The following PDK1 variants were observed in gnomAD, a reference collection of about 807,000 sequenced individuals.
PDK1 encodes pyruvate dehydrogenase kinase 1.
Under a neutral mutation model 54.2 loss-of-function variants are expected in PDK1, and 39 were observed. The observed-to-expected ratio is 0.72, with a 90% CI of 0.56 to 0.94. The LOEUF is 0.94. Ranked by LOEUF, PDK1 falls within the 40% of genes least tolerant of loss-of-function variation. PDK1 has a pLI of 0.00. For synonymous variants in PDK1, 221 were observed against 207.1 expected, an observed-to-expected ratio of 1.07 and a Z score of -0.58; for missense variants, 552 against 566.0, an observed-to-expected ratio of 0.98 and a Z score of 0.25.
In PDK1 at chr2:172,605,724, G is replaced by A. The variant is rs1374401570; in HGVS notation, c.*9755G>A. The stretch of plus-strand genomic sequence containing the variant: ...TGAGCTCATGAAAGCTGTGCTGAGT[G>A]GGTTTCTTTAGATTTTCATTTTCAT... On this transcript the variant is annotated 3_prime_UTR_variant, in exon 11 of 11. Coordinates refer to ENST00000282077, the MANE Select transcript of PDK1 (RefSeq NM_002610.5). The A allele has an allele frequency of 6.6e-6, 1 of 152,086 alleles. No individual in the cohort carries two copies. Among genetic ancestry groups the A allele is most frequent in the East Asian group, 1.9e-4 (1 of 5,194 alleles). The allele number at this position is 152,086 out of a possible 1,614,324, so 9.4% of individuals were successfully genotyped here. A position where few individuals can be genotyped will look rare whatever the true frequency, so the allele number is the denominator to read the frequency against.
At chr2:172,566,433 C>T (rs529814022) in intron 5 of PDK1, among the ~76,000 whole-genome samples, 45 of 152,028 alleles carry the variant, frequency 3.0e-4, no homozygotes, top group South Asian at 2.3e-3. Context: ...CCCATGCCTA[C>T]GTAGTCCCAG....
chr2:172,615,128 G>A, the PDK1 span, among the ~76,000 whole-genome samples: 1 of 152,218 alleles, frequency 6.6e-6, no homozygotes, highest in South Asian at 2.1e-4. Context: ...GCCGCAAGGG[G>A]TTGAGCACAG....
the PDK1 span, among the ~76,000 whole-genome samples, chr2:172,651,607 T>TAG: frequency 6.6e-6 from 1 of 152,046 alleles, no homozygotes; most frequent in African/African-American, 2.4e-5. Flanking sequence ...AAGAATCAAA[T>TAG]AGACGCAATA....
At chr2:172,565,624 G>T (rs757708622) in intron 5 of PDK1, among the ~76,000 whole-genome samples, 3 of 152,082 alleles carry the variant, frequency 2.0e-5, no homozygotes, top group Non-Finnish European at 4.4e-5. Context: ...ACTTAAAAAA[G>T]AATTGAAGTC....
At chr2:172,575,539 G>C (rs1689531488) in intron 8 of PDK1, among the ~76,000 whole-genome samples, 1 of 152,110 alleles carries the variant, frequency 6.6e-6, no homozygotes, top group Non-Finnish European at 1.5e-5. Flanking sequence ...ATAAATAATA[G>C]GCCAGGCACG....
At chr2:172,709,488 G>T in the PDK1 span, among the ~76,000 whole-genome samples, 1 of 152,172 alleles carries the variant, frequency 6.6e-6, no homozygotes, top group Non-Finnish European at 1.5e-5. Flanking sequence ...AAATAAGTTT[G>T]CTGTCAGTCT....
the PDK1 span, among the ~76,000 whole-genome samples, chr2:172,722,348 C>T: frequency 6.6e-6 from 1 of 152,232 alleles, no homozygotes; most frequent in African/African-American, 2.4e-5. Context: ...TAATCTTATC[C>T]TTTCCTTCCC....
chr2:172,651,693 T>C, the PDK1 span, among the ~76,000 whole-genome samples: 1 of 152,206 alleles, frequency 6.6e-6, no homozygotes, highest in Non-Finnish European at 1.5e-5. Flanking sequence ...TAAACACCTC[T>C]ACGCAAATAA....
chr2:172,609,983 G>A (rs965479903), downstream of PDK1, among the ~76,000 whole-genome samples: 4 of 151,862 alleles, frequency 2.6e-5, no homozygotes, highest in Non-Finnish European at 4.4e-5. Flanking sequence ...CACCACACCT[G>A]GCTAATTTTT....
chr2:172,642,459 T>C, the PDK1 span, among the ~76,000 whole-genome samples: 1 of 152,284 alleles, frequency 6.6e-6, no homozygotes, highest in South Asian at 2.1e-4. Context: ...GTCCCCAGAC[T>C]AACAACATCG....
the PDK1 span, among the ~76,000 whole-genome samples, chr2:172,628,954 A>G: frequency 7.7e-3 from 1,176 of 152,210 alleles, 10 homozygotes; most frequent in African/African-American, 0.027. Context: ...CCCAATCCCT[A>G]CCAAACATAA....
At chr2:172,578,744 T>G (rs1031210864) in intron 8 of PDK1, among the ~76,000 whole-genome samples, 26 of 152,156 alleles carry the variant, frequency 1.7e-4, no homozygotes, top group African/African-American at 6.0e-4. Context: ...GTAATTTTTT[T>G]TTTTTTTGGA....
chr2:172,711,711 A>T, the PDK1 span, among the ~76,000 whole-genome samples: 2 of 151,860 alleles, frequency 1.3e-5, no homozygotes, highest in South Asian at 2.1e-4. Flanking sequence ...CATAAAAATT[A>T]AAAAATTAGC....
At chr2:172,569,313 G>T (rs1689125222) in intron 7 of PDK1, among the ~76,000 whole-genome samples, 1 of 152,150 alleles carries the variant, frequency 6.6e-6, no homozygotes. Context: ...TTCTTGGGAG[G>T]GGGAGGTCAT....
At chr2:172,628,405 T>C in the PDK1 span, among the ~76,000 whole-genome samples, 3 of 152,216 alleles carry the variant, frequency 2.0e-5, no homozygotes, top group Non-Finnish European at 4.4e-5. Flanking sequence ...TTCTTTCTTT[T>C]CCTTTATGGT....
the PDK1 span, among the ~76,000 whole-genome samples, chr2:172,642,702 A>G: frequency 6.6e-6 from 1 of 152,262 alleles, no homozygotes; most frequent in South Asian, 2.1e-4. Flanking sequence ...AGTGTGTCCC[A>G]TGATCTTGGG....
At chr2:172,618,029 T>A in the PDK1 span, among the ~76,000 whole-genome samples, 1 of 152,180 alleles carries the variant, frequency 6.6e-6, no homozygotes, top group Non-Finnish European at 1.5e-5. Flanking sequence ...GTAATAGATA[T>A]GATTTAAACA....
chr2:172,571,371 C>G (rs1297931632), intron 8 of PDK1, among the ~76,000 whole-genome samples: 1 of 152,106 alleles, frequency 6.6e-6, no homozygotes, highest in African/African-American at 2.4e-5. Context: ...CCAGTTTCTT[C>G]TTTTACATTT....
the PDK1 span, among the ~76,000 whole-genome samples, chr2:172,638,540 T>C: frequency 2.6e-5 from 4 of 152,242 alleles, no homozygotes; most frequent in African/African-American, 4.8e-5. Context: ...AGAGCTCATA[T>C]TCAGTATAAT....
Sources: gnomAD v4.1 joint callset for allele counts (sites outside exome capture counted in the v4.1 genomes callset) on GRCh38, gnomAD v4.1.1 for gene constraint, MANE v1.5 for transcripts, NCBI Gene and HGNC (gene_info 2026-07-23, HGNC 2026-07-21) for gene names.